SLC30A7: variants seen among roughly 807,000 people sequenced by gnomAD.
The protein encoded by SLC30A7 is zinc transporter 7.
SLC30A7 carries 35 observed loss-of-function variants against 46.0 expected under a neutral mutation model. The observed-to-expected ratio is 0.76, with a 90% CI of 0.58 to 1.01. SLC30A7 has a LOEUF of 1.01. Ranked by LOEUF, SLC30A7 falls within the 50% of genes least tolerant of loss-of-function variation. The pLI, the probability that SLC30A7 is intolerant of heterozygous loss-of-function variation, is 0.00. For missense variants in SLC30A7, 464 were observed against 451.1 expected (o/e 1.03, Z -0.26); for synonymous variants, 147 against 157.8 (o/e 0.93, Z 0.51).
intron 5 of SLC30A7, among the ~76,000 whole-genome samples, chr1:100,913,372 A>G (rs924536782): frequency 6.6e-6 from 1 of 152,198 alleles, no homozygotes; most frequent in Non-Finnish European, 1.5e-5. Context: ...TATTTCTCAA[A>G]TGAATGAATA....
At chr1:100,915,153 C>CCCTT (rs2101022598) in intron 6 of SLC30A7, among the ~76,000 whole-genome samples, 1 of 135,546 alleles carries the variant, frequency 7.4e-6, no homozygotes, top group Admixed American at 7.3e-5. Flanking sequence ...TTCCCTCCCT[C>CCCTT]CCTTCCTCAC....
intron 4 of SLC30A7, 88 bp from the exon 5 acceptor site, chr1:100,912,019 TAACTG>T (rs891003543): frequency 1.1e-4 from 125 of 1,147,324 alleles, no homozygotes; most frequent in Non-Finnish European, 1.5e-4. Flanking sequence ...ATTCCAAAAA[TAACTG>T]AAAGTGTTTA....
intron 7 of SLC30A7, 73 bp from the exon 8 acceptor site, chr1:100,921,633 A>T (rs886267880): frequency 5.7e-6 from 7 of 1,224,520 alleles, no homozygotes; most frequent in Non-Finnish European, 8.1e-6. Context: ...AATTAAGAGT[A>T]TAGCTCTAGG....
rs1656555049 is a variant in SLC30A7 at position 100,976,897 on chromosome 1, T to G, written c.*2040T>G. 2 of 152,552 alleles carry G rather than the reference T, an allele frequency of 1.3e-5. No homozygotes were observed. Among genetic ancestry groups the G allele is most frequent in the African/African-American group, 2.4e-5 (1 of 41,426 alleles). The allele number at this position is 152,552 out of a possible 1,614,324, so 9.4% of individuals were successfully genotyped here. A position where few individuals can be genotyped will look rare whatever the true frequency, so the allele number is the denominator to read the frequency against. ...TTGCTTACTGCCAGGTGGTTTGAAA[T>G]CTATGATTTACTGCAGTAGTATGTG... On this transcript the variant is annotated 3_prime_UTR_variant, in exon 11 of 11. Transcript: ENST00000357650.
At chr1:100,995,146 A>T in the SLC30A7 span, 1 of 1,572,504 alleles carries the variant, frequency 6.4e-7, no homozygotes, top group Non-Finnish European at 8.7e-7. Flanking sequence ...CTTTACTTTG[A>T]TGTCTGTAGG....
chr1:100,938,847 A>G (rs139521559), intron 8 of SLC30A7, among the ~76,000 whole-genome samples: 2 of 152,226 alleles, frequency 1.3e-5, no homozygotes, highest in East Asian at 1.9e-4. Flanking sequence ...CTGTCTCTCA[A>G]TTTCAGCTTT....
intron 10 of SLC30A7, among the ~76,000 whole-genome samples, chr1:100,971,435 G>C (rs1464972794): frequency 6.6e-6 from 1 of 151,898 alleles, no homozygotes; most frequent in Admixed American, 6.6e-5. Context: ...TTTGAAGTCC[G>C]CCAGAATCTG....
At chr1:100,991,224 T>A in the SLC30A7 span, among the ~76,000 whole-genome samples, 1 of 152,188 alleles carries the variant, frequency 6.6e-6, no homozygotes, top group Non-Finnish European at 1.5e-5. Flanking sequence ...ACTATTTATG[T>A]TTTTCAGTTA....
At chr1:100,928,594 ATTAT>A (rs1557989136) in intron 8 of SLC30A7, among the ~76,000 whole-genome samples, 3 of 151,914 alleles carry the variant, frequency 2.0e-5, no homozygotes, top group African/African-American at 7.2e-5. Context: ...TTATTCTGAG[ATTAT>A]TTTATTTTAT....
intron 8 of SLC30A7, among the ~76,000 whole-genome samples, chr1:100,958,372 T>C (rs1655347736): frequency 6.6e-6 from 1 of 152,156 alleles, no homozygotes; most frequent in Non-Finnish European, 1.5e-5. Flanking sequence ...GAGACGGGAT[T>C]TCACCGTGTT....
intron 7 of SLC30A7, among the ~76,000 whole-genome samples, chr1:100,920,649 C>T (rs904554902): frequency 6.6e-6 from 1 of 151,928 alleles, no homozygotes; most frequent in Non-Finnish European, 1.5e-5. Flanking sequence ...TGATTTGACT[C>T]ATTAGCAGTC....
rs368693206 is a variant in SLC30A7 at position 100,915,197 on chromosome 1, C to CTTTTCT, written c.655+1394_655+1395insTCTTTT. 3.6e-3 allele frequency among the ~76,000 whole-genome samples: 221 copies of CTTTTCT among 61,926 alleles called. 4 individuals carry two copies. Among genetic ancestry groups the CTTTTCT allele is most frequent in the South Asian group, 0.012 (20 of 1,714 alleles). The allele number at this position is 61,926 out of a possible 152,430, so 40.6% of individuals were successfully genotyped here. ...TTTTTTCTTTTCTTTTCTTTCTTTT[C>CTTTTCT]TTTCTTTCTTTCTTTCTTTCTTTCT... On this transcript the variant is annotated intron_variant, in intron 6 of 10. Transcript: ENST00000357650.
intron 3 of SLC30A7, 102 bp from the exon 4 acceptor site, chr1:100,910,961 A>G (rs927342783): frequency 5.6e-6 from 5 of 886,650 alleles, no homozygotes; most frequent in Non-Finnish European, 5.3e-6. Context: ...GGCCACTTAT[A>G]ACCATGTAAT....
chr1:100,954,104 C>T (rs1046882965), intron 8 of SLC30A7, among the ~76,000 whole-genome samples: 3 of 152,192 alleles, frequency 2.0e-5, no homozygotes, highest in African/African-American at 7.2e-5. Flanking sequence ...ATAATACATT[C>T]TTCAGCAGAC....
In SLC30A7 at chr1:100,979,456, AAAG is replaced by A. The variant is rs1458936667; in HGVS notation, c.*4602_*4604del. 3 of 149,492 alleles carry A rather than the reference AAAG, an allele frequency of 2.0e-5. No individual in the cohort carries two copies. Among genetic ancestry groups the A allele is most frequent in the African/African-American group, 7.4e-5 (3 of 40,750 alleles). The allele number at this position is 149,492 out of a possible 1,614,324, so 9.3% of individuals were successfully genotyped here. ...GTATCCAAAAAAAAAAAAAAAAAAA[AAAG>A]AAAAGGAGCAGGGAAGGACAGTTCT... On this transcript the variant is annotated 3_prime_UTR_variant, in exon 11 of 11. Coordinates refer to ENST00000357650, the MANE Select transcript of SLC30A7 (RefSeq NM_133496.5).
At chr1:100,934,535 G>A (rs1370023628) in intron 8 of SLC30A7, among the ~76,000 whole-genome samples, 1 of 151,894 alleles carries the variant, frequency 6.6e-6, no homozygotes, top group South Asian at 2.1e-4. Flanking sequence ...GGAAGTCAGA[G>A]GTTACATCTT....
chr1:100,921,614 TA>T (rs1652936577), intron 7 of SLC30A7, 91 bp from the exon 8 acceptor site: 2 of 957,826 alleles, frequency 2.1e-6, no homozygotes, highest in Non-Finnish European at 3.0e-6. Context: ...TCTAGTTTTT[TA>T]TATATAAAAT....
intron 8 of SLC30A7, among the ~76,000 whole-genome samples, chr1:100,930,863 A>G (rs1037516903): frequency 2.0e-5 from 3 of 152,132 alleles, no homozygotes; most frequent in African/African-American, 7.2e-5. Context: ...CATAGTAAGA[A>G]CATTTATAAA....
At chr1:100,914,191 T>A (rs1230091292) in intron 6 of SLC30A7, among the ~76,000 whole-genome samples, 1 of 152,244 alleles carries the variant, frequency 6.6e-6, no homozygotes, top group Non-Finnish European at 1.5e-5. Context: ...GCATTTATCC[T>A]GTGTTATAAA....
Sources: gnomAD v4.1 joint callset for allele counts (sites outside exome capture counted in the v4.1 genomes callset) on GRCh38, gnomAD v4.1.1 for gene constraint, MANE v1.5 for transcripts, NCBI Gene and HGNC (gene_info 2026-07-23, HGNC 2026-07-21) for gene names.